PIEZO2: variants seen among roughly 807,000 people sequenced by gnomAD.
PIEZO2 encodes piezo-type mechanosensitive ion channel component 2.
PIEZO2 carries 172 observed loss-of-function variants against 337.3 expected under a neutral mutation model. The ratio of observed to expected loss-of-function variants is 0.51; its 90% CI spans 0.45 to 0.58. The LOEUF (loss-of-function observed/expected upper bound fraction) is 0.58. Among genes scored for constraint, PIEZO2 ranks in the 20% least tolerant of loss-of-function variants. The probability of loss-of-function intolerance (pLI) is 0.00; values close to 1 mark genes in which losing one functional copy is unlikely to be tolerated. For synonymous variants in PIEZO2, 1,251 were observed against 1,228.5 expected, an observed-to-expected ratio of 1.02 and a Z score of -0.38; for missense variants, 3,028 against 3,391.3, an observed-to-expected ratio of 0.89 and a Z score of 2.66.
At chr18:10,714,627 G>T in intron 39 of PIEZO2, 137 bp downstream of exon 39, 1 of 928,934 alleles carries the variant, frequency 1.1e-6, no homozygotes, top group Non-Finnish European at 1.6e-6. Flanking sequence ...TTGTACAGAT[G>T]GCGACAGCTG....
chr18:11,041,527 G>T (rs1260287210), intron 2 of PIEZO2, among the ~76,000 whole-genome samples: 1 of 152,192 alleles, frequency 6.6e-6, no homozygotes, highest in Non-Finnish European at 1.5e-5. Flanking sequence ...GTAAAGGTCA[G>T]TGGGTTTTTA....
chr18:11,042,282 C>T (rs2037152157), intron 2 of PIEZO2, among the ~76,000 whole-genome samples: 1 of 152,162 alleles, frequency 6.6e-6, no homozygotes, highest in African/African-American at 2.4e-5. Flanking sequence ...AGGAGGGCTG[C>T]TATGAGGAGC....
chr18:11,139,655 A>G (rs1025988014), intron 1 of PIEZO2, among the ~76,000 whole-genome samples: 2 of 152,224 alleles, frequency 1.3e-5, no homozygotes, highest in African/African-American at 4.8e-5. Context: ...AGATATTTAC[A>G]CTTCAAATGA....
chr18:10,748,747 G>A lies in PIEZO2; in HGVS notation c.4265-117C>T. On this transcript the variant is annotated intron_variant, in intron 29 of 55. Coordinates refer to ENST00000674853, the MANE Select transcript of PIEZO2 (RefSeq NM_001378183.1). This position sits in a 1 kb window ranked among gnomAD's most constrained non-coding sequence, Gnocchi z 5.1. ...ATAGGCATAAAAGCAGCATTCTGAT[G>A]CTCTGACTTACTTATGAGTTGATTT... 1 of 914,644 alleles carries A rather than the reference G, an allele frequency of 1.1e-6. No homozygotes were observed. Among genetic ancestry groups the A allele is most frequent in the South Asian group, 1.9e-5 (1 of 52,680 alleles). The allele number at this position is 914,644 out of a possible 1,614,324, so 56.7% of individuals were successfully genotyped here.
intron 1 of PIEZO2, among the ~76,000 whole-genome samples, chr18:11,114,473 C>T (rs1191299043): frequency 2.0e-5 from 3 of 152,196 alleles, no homozygotes; most frequent in Non-Finnish European, 2.9e-5. Context: ...CAAGACCAGC[C>T]TGGCCAACAT....
In PIEZO2 at chr18:10,783,467, A is replaced by C. The variant is rs1399666646; in HGVS notation, c.2492+1317T>G. Among the ~76,000 whole-genome samples, 1 of 152,182 alleles carries C rather than the reference A, an allele frequency of 6.6e-6. No individual in the cohort carries two copies. The highest frequency in any genetic ancestry group is 1.5e-5 in the Non-Finnish European group (1 of 68,030). On this transcript the variant is annotated intron_variant, in intron 17 of 55. Coordinates refer to ENST00000674853, the MANE Select transcript of PIEZO2 (RefSeq NM_001378183.1). The surrounding 1 kb of genome is among the most constrained non-coding windows in gnomAD (Gnocchi z 4.3). The stretch of plus-strand genomic sequence containing the variant: ...ACTTGGGGTGATTTTCCCTCCCATC[A>C]AGTTTGTCTATGACTGATATCTTCT...
At position 10,713,977 on chromosome 18, in the gene PIEZO2, G is replaced by T. The variant is rs1358595652; in HGVS notation, c.5423+787C>A. ...GGGACAGGCAGTAAGTTGGTCTGCG[G>T]TGCAGGAAGAGGCAATGAGAGACAG... On this transcript the variant is annotated intron_variant, in intron 39 of 55. Coordinates refer to ENST00000674853, the MANE Select transcript of PIEZO2 (RefSeq NM_001378183.1). The surrounding 1 kb of genome is among the most constrained non-coding windows in gnomAD (Gnocchi z 4.5). Among the ~76,000 whole-genome samples, 1 of 152,182 alleles carries T rather than the reference G, an allele frequency of 6.6e-6. No individual in the cohort carries two copies.
Position 11,035,278 on chromosome 18 carries a change from G to C in PIEZO2, c.160+30849C>G, listed in dbSNP as rs2036885833. ...TTGCTCTGTTAGTTCACGGAGAGCTGGTTGTTTAAAAAGCCTGGCACCTTC... is the reference window on the plus strand; with the variant it reads ...TTGCTCTGTTAGTTCACGGAGAGCTCGTTGTTTAAAAAGCCTGGCACCTTC... On this transcript the variant is annotated intron_variant, in intron 2 of 55. Coordinates refer to ENST00000674853, the MANE Select transcript of PIEZO2 (RefSeq NM_001378183.1). This position sits in a 1 kb window ranked among gnomAD's most constrained non-coding sequence, Gnocchi z 4.3. 6.6e-6 allele frequency among the ~76,000 whole-genome samples: 1 copy of C among 151,898 alleles called. No individual in the cohort carries two copies. Among genetic ancestry groups the C allele is most frequent in the Non-Finnish European group, 1.5e-5 (1 of 67,970 alleles).
chr18:10,918,583 C>A (rs1210374164), intron 3 of PIEZO2, among the ~76,000 whole-genome samples: 1 of 151,926 alleles, frequency 6.6e-6, no homozygotes, highest in Non-Finnish European at 1.5e-5. Flanking sequence ...TTCAATGGTG[C>A]GCTTTTCAAA....
chr18:10,959,242 T>C (rs2033665940), intron 3 of PIEZO2, among the ~76,000 whole-genome samples: 1 of 152,192 alleles, frequency 6.6e-6, no homozygotes, highest in South Asian at 2.1e-4. Flanking sequence ...CTCAAAGTCT[T>C]CACAGTAAAA....
intron 3 of PIEZO2, among the ~76,000 whole-genome samples, chr18:10,921,144 A>T (rs758573308): frequency 1.3e-5 from 2 of 151,904 alleles, no homozygotes; most frequent in African/African-American, 4.8e-5. Flanking sequence ...ATTACAGGTG[A>T]TCATTCATTA....
intron 3 of PIEZO2, among the ~76,000 whole-genome samples, chr18:10,916,871 T>G (rs1264848298): frequency 6.6e-6 from 1 of 152,206 alleles, no homozygotes; most frequent in Non-Finnish European, 1.5e-5. Flanking sequence ...ATATTCCTGT[T>G]TTTATTCTCC....
At chr18:10,811,414 GT>G (rs1272516296) in intron 7 of PIEZO2, among the ~76,000 whole-genome samples, 2 of 152,172 alleles carry the variant, frequency 1.3e-5, no homozygotes, top group African/African-American at 2.4e-5. Context: ...GGTACGGAAG[GT>G]TTTAAAGGTA....
chr18:10,949,979 G>C (rs2033217033), intron 3 of PIEZO2, among the ~76,000 whole-genome samples: 2 of 152,192 alleles, frequency 1.3e-5, no homozygotes, highest in African/African-American at 4.8e-5. Flanking sequence ...GGGTGAATAA[G>C]ATTGAGGCAG....
Position 10,942,068 on chromosome 18 carries a change from G to C in PIEZO2, c.287-30840C>G, listed in dbSNP as rs540940879. On this transcript the variant is annotated intron_variant, in intron 3 of 55. Transcript: ENST00000674853. The surrounding 1 kb of genome is among the most constrained non-coding windows in gnomAD (Gnocchi z 4.4). The stretch of plus-strand genomic sequence containing the variant: ...CTTGCTCCTCCTTGCTTTCGGCCAC[G>C]ATCGTGAGGCCTCTCCAGCCATGTG... Among the ~76,000 whole-genome samples, 1 of 152,172 alleles carries C rather than the reference G, an allele frequency of 6.6e-6. No individual in the cohort carries two copies. Among genetic ancestry groups the C allele is most frequent in the African/African-American group, 2.4e-5 (1 of 41,442 alleles).
At chr18:10,960,901 C>T (rs112843236) in intron 3 of PIEZO2, among the ~76,000 whole-genome samples, 27 of 151,954 alleles carry the variant, frequency 1.8e-4, no homozygotes, top group African/African-American at 3.9e-4. Context: ...TGGTATGGCC[C>T]GGGGTGGTGG....
rs1309108514 is a variant in PIEZO2 at position 11,127,110 on chromosome 18, G to A, written c.64+21415C>T. On this transcript the variant is annotated intron_variant, in intron 1 of 55. Coordinates refer to ENST00000674853, the MANE Select transcript of PIEZO2 (RefSeq NM_001378183.1). This position sits in a 1 kb window ranked among gnomAD's most constrained non-coding sequence, Gnocchi z 4.5. The stretch of plus-strand genomic sequence containing the variant: ...TATTACTAACCAAACTCACTAACAT[G>A]AAAGAATTGAGACAGAGTAAGTCCT... 2.6e-5 allele frequency among the ~76,000 whole-genome samples: 4 copies of A among 152,174 alleles called. No individual in the cohort carries two copies.
At position 10,758,011 on chromosome 18, in the gene PIEZO2, G is replaced by A; in HGVS notation, c.3881C>T (p.Ser1294Phe). 2 of 1,537,008 alleles carry A rather than the reference G, an allele frequency of 1.3e-6. No individual in the cohort carries two copies. Among genetic ancestry groups the A allele is most frequent in the East Asian group, 2.4e-5 (1 of 40,916 alleles). ...TGGCACAGGGTTATGTTGGCTGAAGGAGGCCGCATCAAGGTTCATGCAGAT... is the reference window on the plus strand; with the variant it reads ...TGGCACAGGGTTATGTTGGCTGAAGAAGGCCGCATCAAGGTTCATGCAGAT... ...VEICMNLDAA[S>F]FSQHNPVPDF... The change falls in exon 27 of 56, where the codon TCC (serine) becomes TTC (phenylalanine). Residue 1294 changes from serine to phenylalanine, a missense_variant. Around this residue, in one of 5 missense-constraint regions of PIEZO2, gnomAD observed 1,925 missense variants for 2,051.9 expected, o/e 0.94. Transcript: ENST00000674853.
At chr18:11,124,211 G>A (rs2040116295) in intron 1 of PIEZO2, among the ~76,000 whole-genome samples, 1 of 152,192 alleles carries the variant, frequency 6.6e-6, no homozygotes. Context: ...ACCTGCAGTT[G>A]AAAATGTGAG....
Sources: allele counts gnomAD v4.1 joint callset (sites outside exome capture counted in the v4.1 genomes callset), GRCh38; gene constraint gnomAD v4.1.1; regional missense constraint gnomAD v4.1.1; non-coding constraint Gnocchi (gnomAD v3.1); transcripts MANE v1.5; gene names NCBI Gene and HGNC (gene_info 2026-07-23, HGNC 2026-07-21).